Variants in CDH9 observed in about 807,000 individuals in gnomAD.
The protein encoded by CDH9 is cadherin 9.
Under a neutral mutation model 70.9 loss-of-function variants are expected in CDH9, and 28 were observed. That is an observed-to-expected ratio of 0.40 (90% CI 0.29 to 0.54). The LOEUF (loss-of-function observed/expected upper bound fraction) is 0.54, where lower values mean the gene tolerates loss of function less well. Ranked by LOEUF, CDH9 falls within the 20% of genes least tolerant of loss-of-function variation. The probability of loss-of-function intolerance (pLI) is 0.59; values close to 1 mark genes in which losing one functional copy is unlikely to be tolerated. For synonymous variants in CDH9, 409 were observed against 343.1 expected, an observed-to-expected ratio of 1.19 and a Z score of -2.12; for missense variants, 874 against 984.4, an observed-to-expected ratio of 0.89 and a Z score of 1.50.
At chr5:26,927,052 A>T (rs1741355216) in intron 2 of CDH9, among the ~76,000 whole-genome samples, 1 of 152,026 alleles carries the variant, frequency 6.6e-6, no homozygotes, top group Admixed American at 6.6e-5. Flanking sequence ...AAGAATATTT[A>T]TCATGTCCAA....
At chr5:26,929,077 G>A (rs1391007925) in intron 2 of CDH9, among the ~76,000 whole-genome samples, 2 of 151,844 alleles carry the variant, frequency 1.3e-5, no homozygotes, top group Non-Finnish European at 2.9e-5. Context: ...GAGAAAAAAT[G>A]CAAACTATTC....
chr5:26,919,992 T>A (rs1741216341), intron 2 of CDH9, among the ~76,000 whole-genome samples: 1 of 152,036 alleles, frequency 6.6e-6, no homozygotes, highest in Non-Finnish European at 1.5e-5. Context: ...GGGAAGAGAA[T>A]CCTGCTTGAG....
intron 2 of CDH9, among the ~76,000 whole-genome samples, chr5:26,931,085 A>G (rs1741454518): frequency 6.6e-6 from 1 of 152,190 alleles, no homozygotes; most frequent in African/African-American, 2.4e-5. Flanking sequence ...ATAGCAAACC[A>G]CGACAAACCT....
At chr5:26,908,654 G>A (rs1740991665) in intron 3 of CDH9, among the ~76,000 whole-genome samples, 1 of 152,046 alleles carries the variant, frequency 6.6e-6, no homozygotes, top group African/African-American at 2.4e-5. Flanking sequence ...CTATTAGTCG[G>A]TAGATGATCT....
intron 1 of CDH9, among the ~76,000 whole-genome samples, chr5:27,012,113 G>A (rs911370979): frequency 1.3e-5 from 2 of 151,832 alleles, no homozygotes; most frequent in African/African-American, 4.8e-5. Context: ...ACTTGCAGAT[G>A]TTCAGTTTCC....
chr5:27,036,249 A>G (rs144865655), intron 1 of CDH9, among the ~76,000 whole-genome samples: 35 of 151,952 alleles, frequency 2.3e-4, no homozygotes, highest in African/African-American at 7.5e-4. Flanking sequence ...CATGGACGGG[A>G]CACTGCATTG....
Position 26,903,663 on chromosome 5 carries a change from G to T in CDH9, c.973C>A (p.Gln325Lys), listed in dbSNP as rs1272336502. The T allele has an allele frequency of 1.0e-5, 16 of 1,607,802 alleles. No homozygotes were observed. Among genetic ancestry groups the T allele is most frequent in the Non-Finnish European group, 1.2e-5 (14 of 1,174,444 alleles). ...TGTTTGACAGTTATAATCCCTTCCTGTGTATCCTTGTCAGTGATGACATCG... is the reference window on the plus strand; with the variant it reads ...TGTTTGACAGTTATAATCCCTTCCTTTGTATCCTTGTCAGTGATGACATCG... ...MFDVITDKDTQEGIITVKQNL... is the reference protein window; with the variant it reads ...MFDVITDKDTKEGIITVKQNL... The change falls in exon 6 of 12, where the codon CAG (glutamine) becomes AAG (lysine). Residue 325 changes from glutamine to lysine, a missense_variant. By Grantham distance (53) the Gln-to-Lys change is moderately conservative (BLOSUM62 1). Transcript: ENST00000231021.
At chr5:27,009,679 T>C (rs1742924394) in intron 1 of CDH9, among the ~76,000 whole-genome samples, 2 of 152,104 alleles carry the variant, frequency 1.3e-5, no homozygotes, top group Admixed American at 1.3e-4. Flanking sequence ...TGGAAATTGA[T>C]GGCCCTGAGG....
rs761146628 is a variant in CDH9 at position 26,881,140 on chromosome 5, T to C, written c.2366A>G (p.Asp789Gly). 1 of 1,602,126 alleles carries C rather than the reference T, an allele frequency of 6.2e-7. No homozygotes were observed. Among genetic ancestry groups the C allele is most frequent in the Non-Finnish European group, 8.5e-7 (1 of 1,174,014 alleles). The change falls in exon 12 of 12, where the codon GAC (aspartate) becomes GGC (glycine). Residue 789 changes from aspartate to glycine, a missense_variant. Physicochemically the swap from Asp to Gly is moderately conservative, Grantham distance 94. Coordinates refer to ENST00000231021, the MANE Select transcript of CDH9 (RefSeq NM_016279.4). ...TGATTAAGTCAAACAATCCTCTTAGTCTCGGTCACTATCATCACCCCCATA... is the reference window on the plus strand; with the variant it reads ...TGATTAAGTCAAACAATCCTCTTAGCCTCGGTCACTATCATCACCCCCATA... ...DMYGGDDSDR[D>G]
chr5:26,965,015 T>C (rs1343937376), intron 2 of CDH9, among the ~76,000 whole-genome samples: 2 of 152,168 alleles, frequency 1.3e-5, no homozygotes, highest in Non-Finnish European at 2.9e-5. Context: ...AAATTTCAAA[T>C]GCTTATGTCT....
chr5:26,916,164 T>G (rs1741145835), intron 2 of CDH9, among the ~76,000 whole-genome samples: 1 of 151,954 alleles, frequency 6.6e-6, no homozygotes, highest in Admixed American at 6.6e-5. Flanking sequence ...AAAATTAATA[T>G]GTATCTGTCA....
At chr5:26,939,348 T>C (rs145908041) in intron 2 of CDH9, among the ~76,000 whole-genome samples, 2 of 151,944 alleles carry the variant, frequency 1.3e-5, no homozygotes, top group African/African-American at 4.8e-5. Context: ...TTGAAAACCG[T>C]ATTCAGAAGG....
rs544501189 is a variant in CDH9, at chr5:26,903,455, G to A, written c.999+182C>T. ...TTAGCATGAACAACTGAGGTTTTAA[G>A]TGTCAATTATGAAGACATTTAACTT... On this transcript the variant is annotated intron_variant, in intron 6 of 11. Transcript: ENST00000231021. The A allele has an allele frequency of 1.0e-5, 7 of 692,976 alleles. No individual in the cohort carries two copies. The East Asian group carries it at 1.9e-4, about 19-fold the overall frequency. 42.9% of individuals were successfully genotyped at this position (692,976 alleles called of 1,614,324 possible). A position where few individuals can be genotyped will look rare whatever the true frequency, so the allele number is the denominator to read the frequency against.
chr5:26,898,271 G>T (rs760768209), intron 7 of CDH9, among the ~76,000 whole-genome samples: 1 of 152,102 alleles, frequency 6.6e-6, no homozygotes, highest in Non-Finnish European at 1.5e-5. Flanking sequence ...TAGATTCAAT[G>T]CTATCCCCAT....
intron 1 of CDH9, among the ~76,000 whole-genome samples, chr5:27,005,534 C>T (rs1300093699): frequency 1.3e-5 from 2 of 151,950 alleles, no homozygotes; most frequent in African/African-American, 2.4e-5. Flanking sequence ...CTGACGAGGT[C>T]GTGGAGAAAA....
At chr5:26,967,068 G>A (rs1051872394) in intron 2 of CDH9, among the ~76,000 whole-genome samples, 32 of 151,978 alleles carry the variant, frequency 2.1e-4, no homozygotes, top group Admixed American at 2.0e-3. Context: ...AAGTAGCTGG[G>A]ACCACATACA....
At chr5:26,958,553 GA>G (rs1741982965) in intron 2 of CDH9, among the ~76,000 whole-genome samples, 1 of 152,052 alleles carries the variant, frequency 6.6e-6, no homozygotes, top group African/African-American at 2.4e-5. Context: ...GATATAAACA[GA>G]CAAAAAAATT....
intron 2 of CDH9, among the ~76,000 whole-genome samples, chr5:26,932,815 T>C (rs912169764): frequency 2.0e-5 from 3 of 151,718 alleles, no homozygotes; most frequent in African/African-American, 4.8e-5. Context: ...TCCCTGATTG[T>C]TTGTCTTGTT....
intron 1 of CDH9, among the ~76,000 whole-genome samples, chr5:27,033,048 T>C (rs917631122): frequency 2.0e-5 from 3 of 151,174 alleles, no homozygotes; most frequent in African/African-American, 4.8e-5. Flanking sequence ...ATTGTGAACA[T>C]TCAATAAAGA....
Sources: allele counts gnomAD v4.1 joint callset (sites outside exome capture counted in the v4.1 genomes callset), GRCh38; gene constraint gnomAD v4.1.1; transcripts MANE v1.5; gene names NCBI Gene and HGNC (gene_info 2026-07-23, HGNC 2026-07-21).